FAM107B: variants seen among roughly 807,000 people sequenced by gnomAD.
The protein encoded by FAM107B is protein FAM107B.
FAM107B carries 21 observed loss-of-function variants against 31.5 expected under a neutral mutation model. The ratio of observed to expected loss-of-function variants is 0.67; its 90% CI spans 0.47 to 0.96. The LOEUF (loss-of-function observed/expected upper bound fraction) is 0.96, where lower values mean the gene tolerates loss of function less well. Ranked by LOEUF, FAM107B falls within the 40% of genes least tolerant of loss-of-function variation. FAM107B has a pLI of 0.00. For missense variants in FAM107B, 452 were observed against 377.1 expected, an observed-to-expected ratio of 1.20 and a Z score of -1.64; for synonymous variants, 157 against 141.5, an observed-to-expected ratio of 1.11 and a Z score of -0.78.
intron 1 of FAM107B, among the ~76,000 whole-genome samples, chr10:14,725,558 A>T (rs1410716442): frequency 6.6e-6 from 1 of 152,110 alleles, no homozygotes; most frequent in African/African-American, 2.4e-5. Flanking sequence ...CCTGGTTTGC[A>T]CATGGCTGTC....
chr10:14,761,163 G>A lies in FAM107B; in HGVS notation c.411+13090C>T, dbSNP rs77185436. ...TTTGTGCTTACTCAGTAATAAGTGT[G>A]AAGTCTAACTTTAAAGTGTTAAAGT... On this transcript the variant is annotated intron_variant, in intron 1 of 4. Coordinates refer to ENST00000181796, the MANE Select transcript of FAM107B (RefSeq NM_031453.4). Among the ~76,000 whole-genome samples, 1,323 of 152,190 alleles carry A rather than the reference G, an allele frequency of 8.7e-3. 83 individuals are homozygous for A. In the East Asian group the frequency reaches 0.16, roughly 19 times the overall value.
chr10:14,563,223 T>C (rs145421612), intron 2 of FAM107B, among the ~76,000 whole-genome samples: 1 of 152,340 alleles, frequency 6.6e-6, no homozygotes, highest in Non-Finnish European at 1.5e-5. Context: ...TTAACAGACA[T>C]TTCTCTCGTA....
chr10:14,608,418 T>C (rs1271123722), intron 2 of FAM107B, among the ~76,000 whole-genome samples: 1 of 152,196 alleles, frequency 6.6e-6, no homozygotes, highest in African/African-American at 2.4e-5. Context: ...CTCACAATAC[T>C]GTGGGTTGGC....
chr10:14,538,040 G>A (rs1296999950), intron 2 of FAM107B, among the ~76,000 whole-genome samples: 1 of 152,112 alleles, frequency 6.6e-6, no homozygotes, highest in African/African-American at 2.4e-5. Flanking sequence ...AATTCCAAAA[G>A]GAAGCTCTTA....
intron 1 of FAM107B, among the ~76,000 whole-genome samples, chr10:14,707,857 C>G (rs1855556315): frequency 6.6e-6 from 1 of 152,044 alleles, no homozygotes; most frequent in Non-Finnish European, 1.5e-5. Context: ...ATGAATCTTT[C>G]AATGAATCCC....
At chr10:14,589,699 T>C (rs1010603852) in intron 2 of FAM107B, among the ~76,000 whole-genome samples, 1 of 152,066 alleles carries the variant, frequency 6.6e-6, no homozygotes, top group African/African-American at 2.4e-5. Flanking sequence ...ACCAAATGTA[T>C]GCGGGGCTTA....
At chr10:14,645,523 T>C (rs536406560) in intron 2 of FAM107B, among the ~76,000 whole-genome samples, 1 of 152,374 alleles carries the variant, frequency 6.6e-6, no homozygotes, top group Admixed American at 6.5e-5. Context: ...TCATTCTTTC[T>C]GGTTCACTGT....
At chr10:14,726,282 C>T (rs751302611) in intron 1 of FAM107B, among the ~76,000 whole-genome samples, 7 of 152,126 alleles carry the variant, frequency 4.6e-5, no homozygotes, top group Admixed American at 2.0e-4. Flanking sequence ...CGTGAGCCAC[C>T]GTGCCTGGCC....
intron 2 of FAM107B, among the ~76,000 whole-genome samples, chr10:14,645,269 AG>A (rs1291784761): frequency 6.6e-6 from 1 of 152,194 alleles, no homozygotes; most frequent in Admixed American, 6.5e-5. Context: ...GGCTACAAAA[AG>A]CTCCTTTACT....
intron 2 of FAM107B, among the ~76,000 whole-genome samples, chr10:14,644,431 T>C (rs767496161): frequency 9.9e-5 from 15 of 152,214 alleles, no homozygotes; most frequent in Non-Finnish European, 1.6e-4. Flanking sequence ...ACGGCTCATG[T>C]TGTTCTTTCA....
At position 14,688,500 on chromosome 10, in the gene FAM107B, C is replaced by G. The variant is rs61583651; in HGVS notation, c.412-20809G>C. On this transcript the variant is annotated intron_variant, in intron 1 of 4. Transcript: ENST00000181796. ...ACACATAAATACACGTACACACAAC[C>G]AACCAAAAGTCAACCAAACGACAAA... Among the ~76,000 whole-genome samples, 1,070 of 152,258 alleles carry G rather than the reference C, an allele frequency of 7.0e-3. 12 individuals carry two copies. Among genetic ancestry groups the G allele is most frequent in the African/African-American group, 0.025 (1,019 of 41,550 alleles).
intron 1 of FAM107B, among the ~76,000 whole-genome samples, chr10:14,710,067 A>G (rs1855606844): frequency 6.6e-6 from 1 of 152,162 alleles, no homozygotes; most frequent in African/African-American, 2.4e-5. Flanking sequence ...CCCAATGTAA[A>G]CAATAAACCT....
chr10:14,693,377 C>T (rs939190418), intron 1 of FAM107B, among the ~76,000 whole-genome samples: 1 of 151,604 alleles, frequency 6.6e-6, no homozygotes, highest in Admixed American at 6.6e-5. Context: ...ACTTGGGACG[C>T]TGAGGCAGGA....
At chr10:14,723,558 C>A in intron 1 of FAM107B, 1 of 652,198 alleles carries the variant, frequency 1.5e-6, no homozygotes, top group Non-Finnish European at 2.8e-6. Context: ...TGTGAGCTCC[C>A]TTACTGTTGC....
In FAM107B at chr10:14,533,535, G is replaced by C. The variant is rs562165012; in HGVS notation, c.470-3020C>G. ...GTGACTCGCTCTCCTTTACCTGACT[G>C]ACTCGCTCTCGTTTACCTGACTGAC... On this transcript the variant is annotated intron_variant, in intron 2 of 4. Transcript: ENST00000181796. Among the ~76,000 whole-genome samples, 32 of 152,210 alleles carry C rather than the reference G, an allele frequency of 2.1e-4. 1 individual carries two copies. Among genetic ancestry groups the C allele is most frequent in the Non-Finnish European group, 4.3e-4 (29 of 68,038 alleles).
intron 1 of FAM107B, among the ~76,000 whole-genome samples, chr10:14,710,557 G>A (rs1855622742): frequency 1.3e-5 from 2 of 151,546 alleles, no homozygotes; most frequent in Admixed American, 1.3e-4. Context: ...ATGACATTTT[G>A]GTCAATAATG....
intron 1 of FAM107B, among the ~76,000 whole-genome samples, chr10:14,760,469 AAAAC>A (rs1467390532): frequency 6.6e-6 from 1 of 151,388 alleles, no homozygotes; most frequent in African/African-American, 2.5e-5. Context: ...GGAACAGAAG[AAAAC>A]AAACAGATGC....
At chr10:14,697,116 G>A (rs1855284306) in intron 1 of FAM107B, among the ~76,000 whole-genome samples, 2 of 152,180 alleles carry the variant, frequency 1.3e-5, no homozygotes, top group South Asian at 2.1e-4. Flanking sequence ...AGCTTGGATG[G>A]GGAGCCAGTT....
chr10:14,663,438 G>C (rs549438458), intron 2 of FAM107B: 1 of 152,408 alleles, frequency 6.6e-6, no homozygotes, highest in South Asian at 2.1e-4. Context: ...GCCCAACCCT[G>C]CTTAGCTTCC....
Sources: allele counts gnomAD v4.1 joint callset (sites outside exome capture counted in the v4.1 genomes callset), GRCh38; gene constraint gnomAD v4.1.1; transcripts MANE v1.5; gene names NCBI Gene and HGNC (gene_info 2026-07-23, HGNC 2026-07-21).